The following STAT6 variants were observed in gnomAD, a reference collection of about 807,000 sequenced individuals.
The protein encoded by STAT6 is STAT, interleukin4-induced.
STAT6 carries 45 observed loss-of-function variants against 106.3 expected under a neutral mutation model. That is an observed-to-expected ratio of 0.42 (90% CI 0.33 to 0.54). STAT6 has a LOEUF of 0.54. STAT6 is among the 20% of genes least tolerant of loss of function. STAT6 has a pLI of 0.06. For missense variants in STAT6, 797 were observed against 1,062.2 expected, an observed-to-expected ratio of 0.75 and a Z score of 3.47; for synonymous variants, 413 against 413.6, an observed-to-expected ratio of 1.00 and a Z score of 0.02.
At position 57,098,794 on chromosome 12, in the gene STAT6, C is replaced by T. The variant is rs1421001160; in HGVS notation, c.2064G>A (p.Met688Ile). 6.2e-7 allele frequency: 1 copy of T among 1,613,650 alleles called. No individual in the cohort carries two copies. The highest frequency in any genetic ancestry group is 1.1e-5 in the South Asian group (1 of 91,050). ...SSMSMQLGPDMVPQVYPPHSH... is the reference protein window; with the variant it reads ...SSMSMQLGPDIVPQVYPPHSH... ...TTCCTGTCTTTCCAGCTCCTTACAC[C>T]ATATCTGGGCCAAGCTGCATGCTCA... Residue 688 changes from methionine (M) to isoleucine (I), a missense_variant and splice_region_variant, in exon 18 of 22, where the codon ATG becomes ATA. This residue lies in a region of STAT6 where 226 missense variants were observed against 236.7 expected (regional missense o/e 0.95). Transcript: ENST00000300134.
intron 3 of STAT6, 141 bp downstream of exon 3, chr12:57,107,464 C>A: frequency 7.5e-7 from 1 of 1,336,916 alleles, no homozygotes; most frequent in Non-Finnish European, 1.0e-6. Flanking sequence ...CTTTTAAAAT[C>A]TAATTTGCCT....
intron 11 of STAT6, chr12:57,104,133 T>C (rs2034125837): frequency 3.3e-6 from 1 of 300,598 alleles, no homozygotes. Context: ...TCCTTATCTA[T>C]AAAATGAGGC....
At chr12:57,102,715 T>C (rs1426704642) in intron 12 of STAT6, 114 bp downstream of exon 12, 1 of 990,796 alleles carries the variant, frequency 1.0e-6, no homozygotes, top group East Asian at 2.4e-5. Context: ...CATGAGAAAG[T>C]GTTAAGGTCA....
chr12:57,104,321 A>T (rs2034137715), intron 11 of STAT6, 143 bp downstream of exon 11: 8 of 1,223,258 alleles, frequency 6.5e-6, no homozygotes, highest in Middle Eastern at 2.8e-4. Flanking sequence ...GCTCACCCCC[A>T]CTCACCCGGG....
chr12:57,101,587 C>G (rs1281447918), intron 13 of STAT6, among the ~76,000 whole-genome samples: 6 of 151,196 alleles, frequency 4.0e-5, no homozygotes, highest in Non-Finnish European at 5.9e-5. Flanking sequence ...TGGTCTCGAA[C>G]TCCTGACCTC....
intron 13 of STAT6, among the ~76,000 whole-genome samples, chr12:57,100,660 G>GA (rs1329398792): frequency 2.7e-5 from 1 of 36,776 alleles, no homozygotes; most frequent in East Asian, 4.4e-4. Context: ...AAGAAAGAAA[G>GA]AAAGAAAGAA....
intron 8 of STAT6, 59 bp downstream of exon 8, chr12:57,105,408 GC>G (rs532748897): frequency 1.2e-6 from 2 of 1,609,150 alleles, no homozygotes; most frequent in Non-Finnish European, 1.7e-6. Flanking sequence ...CACAGCTCTA[GC>G]CCCCTTCTTT....
chr12:57,096,489 T>C lies in STAT6; in HGVS notation c.*83A>G, dbSNP rs775491511. 1.5e-4 allele frequency: 208 copies of C among 1,363,890 alleles called. No homozygotes were observed. The highest frequency in any genetic ancestry group is 2.0e-4 in the Non-Finnish European group (201 of 1,003,596). 84.5% of individuals were successfully genotyped at this position (1,363,890 alleles called of 1,614,324 possible). ...GAGGGCACCCTCCCCATCTGCTGCTTGGCAGGGCATGAGCAAGTGTCCAGA... is the reference window on the plus strand; with the variant it reads ...GAGGGCACCCTCCCCATCTGCTGCTCGGCAGGGCATGAGCAAGTGTCCAGA... On this transcript the variant is annotated 3_prime_UTR_variant, in exon 22 of 22. Coordinates refer to ENST00000300134, the MANE Select transcript of STAT6 (RefSeq NM_003153.5).
At chr12:57,103,387 T>C (rs926273875) in intron 11 of STAT6, 1 of 155,232 alleles carries the variant, frequency 6.4e-6, no homozygotes, top group Non-Finnish European at 1.4e-5. Context: ...ATGGTCTCGA[T>C]TTCCTGACCT....
chr12:57,096,311 T>G lies in STAT6; in HGVS notation c.*261A>C. 2.1e-6 allele frequency: 1 copy of G among 469,840 alleles called. No individual in the cohort carries two copies. The highest frequency in any genetic ancestry group is 3.8e-6 in the Non-Finnish European group (1 of 264,580). 29.1% of individuals were successfully genotyped at this position (469,840 alleles called of 1,614,324 possible). On this transcript the variant is annotated 3_prime_UTR_variant, in exon 22 of 22. Coordinates refer to ENST00000300134, the MANE Select transcript of STAT6 (RefSeq NM_003153.5). ...TGTGCGCGCTGCAGGTGCAGGCATGTTGGGGTGTGTCTCAGAGCCTGAACT... is the reference window on the plus strand; with the variant it reads ...TGTGCGCGCTGCAGGTGCAGGCATGGTGGGGTGTGTCTCAGAGCCTGAACT...
At chr12:57,105,890 A>T (rs2034242341) in intron 7 of STAT6, 1 of 635,370 alleles carries the variant, frequency 1.6e-6, no homozygotes, top group Middle Eastern at 4.4e-4. Flanking sequence ...TTTGTGGCAA[A>T]TTGGAAAGTG....
intron 12 of STAT6, 135 bp downstream of exon 12, chr12:57,102,694 G>T: frequency 1.1e-6 from 1 of 915,054 alleles, no homozygotes. Flanking sequence ...TCAGAAGCAC[G>T]AAAGCAGGCC....
In STAT6 at chr12:57,106,217, C is replaced by T. The variant is rs141391463; in HGVS notation, c.654G>A (p.Glu218=). 6 of 1,614,088 alleles carry T rather than the reference C, an allele frequency of 3.7e-6. No homozygotes were observed. In the African/African-American group the frequency reaches 6.7e-5, roughly 18 times the overall value. ...QQLAGNGAPF[E]ESLAPLQERC... is the part of the protein sequence containing the mutation. ...TCTCCTGGAGTGGGGCCAGGCTCTC[C>T]TCAAACGGTGCGCCATTCCCTGCCA... The change falls in exon 7 of 22, where the codon GAG becomes GAA. Residue 218 remains glutamate (E), a synonymous_variant. Coordinates refer to ENST00000300134, the MANE Select transcript of STAT6 (RefSeq NM_003153.5).
intron 13 of STAT6, among the ~76,000 whole-genome samples, chr12:57,101,489 C>T (rs528216608): frequency 2.7e-5 from 4 of 150,748 alleles, no homozygotes; most frequent in Non-Finnish European, 5.9e-5. Context: ...CTGCCTCAGC[C>T]GAGTAGCTGG....
intron 9 of STAT6, 91 bp from the exon 10 acceptor site, chr12:57,104,904 C>A: frequency 4.8e-6 from 7 of 1,444,478 alleles, no homozygotes; most frequent in Admixed American, 1.8e-5. Flanking sequence ...CCACTGTCAC[C>A]AGCCCTAAAT....
chr12:57,100,077 C>T lies in STAT6; in HGVS notation c.1526G>A (p.Gly509Asp). 6.2e-7 allele frequency: 1 copy of T among 1,603,514 alleles called. No individual in the cohort carries two copies. Among genetic ancestry groups the T allele is most frequent in the Non-Finnish European group, 8.5e-7 (1 of 1,174,894 alleles). Residue 509 changes from glycine (G) to aspartate (D), a missense_variant, in exon 14 of 22, where the codon GGC becomes GAC. By Grantham distance (94) the Gly-to-Asp change is moderately conservative. Transcript: ENST00000300134. ...WSQFNKEILL[G>D]RGFTFWQWFD... is the part of the protein sequence containing the mutation. The stretch of plus-strand genomic sequence containing the variant: ...CCACTGCCAAAAGGTGAAGCCACGG[C>T]CCAGCAGGATCTCCTAGGGGGAGAG...
At chr12:57,109,666 A>G (rs1247581113) in intron 1 of STAT6, among the ~76,000 whole-genome samples, 2 of 152,252 alleles carry the variant, frequency 1.3e-5, no homozygotes, top group South Asian at 2.1e-4. Context: ...GAAAGAGCCT[A>G]GAAGAGAGAG....
In STAT6 at chr12:57,099,153, G is replaced by A. The variant is rs2033654891; in HGVS notation, c.1892-75C>T. 39 of 1,599,468 alleles carry A rather than the reference G, an allele frequency of 2.4e-5. No homozygotes were observed. Among genetic ancestry groups the A allele is most frequent in the Non-Finnish European group, 3.0e-5 (35 of 1,168,124 alleles). The stretch of plus-strand genomic sequence containing the variant: ...GAAGGGAGGTGGAAAAGGTGGGCAT[G>A]GATCATGGGGAAGTAAGAGAAGCAC... On this transcript the variant is annotated intron_variant, in intron 16 of 21. Coordinates refer to ENST00000300134, the MANE Select transcript of STAT6 (RefSeq NM_003153.5). This position sits in a 1 kb window ranked among gnomAD's most constrained non-coding sequence, Gnocchi z 4.7.
intron 20 of STAT6, 25 bp from the exon 21 acceptor site, chr12:57,097,003 A>C: frequency 1.2e-6 from 2 of 1,610,364 alleles, no homozygotes; most frequent in South Asian, 2.2e-5. Context: ...CAATGGAAAT[A>C]AGGAGAGCGG....
Sources: gnomAD v4.1 joint callset for allele counts (sites outside exome capture counted in the v4.1 genomes callset) on GRCh38, gnomAD v4.1.1 for gene constraint, gnomAD v4.1.1 regional missense constraint, Gnocchi (gnomAD v3.1) non-coding constraint, MANE v1.5 for transcripts, NCBI Gene and HGNC (gene_info 2026-07-23, HGNC 2026-07-21) for gene names.